Variants in BBS9 observed in about 807,000 individuals in gnomAD.
BBS9 encodes protein PTHB1.
In BBS9, 89 loss-of-function variants were observed where a neutral mutation model predicts 117.7. The observed-to-expected ratio is 0.76, with a 90% CI of 0.64 to 0.90. The LOEUF is 0.90. Among genes scored for constraint, BBS9 ranks in the 40% least tolerant of loss-of-function variants. The pLI, the probability that BBS9 is intolerant of heterozygous loss-of-function variation, is 0.00. For synonymous variants in BBS9, 379 were observed against 370.9 expected, an observed-to-expected ratio of 1.02 and a Z score of -0.25; for missense variants, 982 against 1,042.2, an observed-to-expected ratio of 0.94 and a Z score of 0.80.
chr7:33,537,020 G>GC (rs1351237046), intron 21 of BBS9, among the ~76,000 whole-genome samples: 2 of 151,710 alleles, frequency 1.3e-5, no homozygotes, highest in African/African-American at 2.4e-5. Flanking sequence ...AAGCATAAAA[G>GC]TTTTTTTTGC....
chr7:33,623,125 G>A (rs900394716), intron 21 of BBS9, among the ~76,000 whole-genome samples: 3 of 152,104 alleles, frequency 2.0e-5, no homozygotes, highest in African/African-American at 4.8e-5. Context: ...GTCATAAAGT[G>A]GAAGAAAATA....
chr7:33,539,395 T>C (rs1851927381), intron 21 of BBS9, among the ~76,000 whole-genome samples: 1 of 152,196 alleles, frequency 6.6e-6, no homozygotes, highest in Non-Finnish European at 1.5e-5. Context: ...GCACCTGCAC[T>C]CCAATCCTGC....
chr7:33,394,398 T>C (rs1479165706), intron 19 of BBS9, among the ~76,000 whole-genome samples: 1 of 151,850 alleles, frequency 6.6e-6, no homozygotes, highest in African/African-American at 2.4e-5. Flanking sequence ...TGGGGCCTAC[T>C]GGAGGGTGGA....
intron 19 of BBS9, among the ~76,000 whole-genome samples, chr7:33,405,470 G>T (rs1171622624): frequency 2.0e-5 from 3 of 152,062 alleles, no homozygotes; most frequent in Admixed American, 6.6e-5. Context: ...AATCCATCTG[G>T]TCGTGGACTC....
chr7:33,255,871 G>A (rs1404868957), intron 5 of BBS9, among the ~76,000 whole-genome samples: 1 of 152,060 alleles, frequency 6.6e-6, no homozygotes, highest in African/African-American at 2.4e-5. Context: ...AAAAAACAAA[G>A]CTTAGGCTGG....
intron 19 of BBS9, among the ~76,000 whole-genome samples, chr7:33,498,266 C>G (rs2129006112): frequency 6.6e-6 from 1 of 152,052 alleles, no homozygotes; most frequent in South Asian, 2.1e-4. Flanking sequence ...GTAAAGATGC[C>G]TTTGTGTTTA....
chr7:33,342,271 T>TAA (rs752897763), intron 11 of BBS9, among the ~76,000 whole-genome samples: 2 of 152,124 alleles, frequency 1.3e-5, no homozygotes, highest in Non-Finnish European at 2.9e-5. Context: ...GGCACTGTTT[T>TAA]AAATATTGGC....
At chr7:33,177,807 C>T (rs1200916957) in intron 5 of BBS9, 1 of 534,718 alleles carries the variant, frequency 1.9e-6, no homozygotes, top group Non-Finnish European at 3.4e-6. Context: ...AGGGTCAGGC[C>T]TGGTTAGTAC....
intron 5 of BBS9, among the ~76,000 whole-genome samples, chr7:33,232,964 A>G (rs1792767185): frequency 6.6e-6 from 1 of 152,198 alleles, no homozygotes; most frequent in South Asian, 2.1e-4. Flanking sequence ...TCAGGACTTT[A>G]TATGTTAAAC....
At chr7:33,267,328 G>A (rs1314138542) in intron 7 of BBS9, among the ~76,000 whole-genome samples, 1 of 152,082 alleles carries the variant, frequency 6.6e-6, no homozygotes, top group Non-Finnish European at 1.5e-5. Flanking sequence ...TTTATAAGAA[G>A]CATGTAGTTG....
intron 19 of BBS9, among the ~76,000 whole-genome samples, chr7:33,451,050 G>A (rs1040413972): frequency 1.3e-5 from 2 of 151,672 alleles, no homozygotes; most frequent in Non-Finnish European, 2.9e-5. Context: ...CACCATGCCC[G>A]GCTAATTTTT....
chr7:33,257,443 A>AT (rs1239861776), intron 6 of BBS9, 33 bp downstream of exon 6: 3 of 1,605,778 alleles, frequency 1.9e-6, no homozygotes, highest in East Asian at 2.2e-5. Flanking sequence ...CAGAATCATG[A>AT]TTTTTTGGTG....
At chr7:33,579,989 CT>C (rs1859605623) in intron 21 of BBS9, among the ~76,000 whole-genome samples, 1 of 152,130 alleles carries the variant, frequency 6.6e-6, no homozygotes, top group African/African-American at 2.4e-5. Context: ...TAATTATTAG[CT>C]GTTTTAAAAC....
intron 21 of BBS9, among the ~76,000 whole-genome samples, chr7:33,554,259 T>C (rs2129098322): frequency 6.6e-6 from 1 of 152,276 alleles, no homozygotes; most frequent in Middle Eastern, 3.4e-3. Context: ...ATTACAGACA[T>C]TACATAATTT....
At chr7:33,354,138 G>A (rs565375514) in intron 15 of BBS9, among the ~76,000 whole-genome samples, 1 of 152,256 alleles carries the variant, frequency 6.6e-6, no homozygotes, top group East Asian at 1.9e-4. Context: ...AATACAAAGT[G>A]AAAGCTGGTT....
At chr7:33,278,995 T>A (rs1801308297) in intron 9 of BBS9, among the ~76,000 whole-genome samples, 1 of 152,194 alleles carries the variant, frequency 6.6e-6, no homozygotes, top group South Asian at 2.1e-4. Flanking sequence ...TCATAATCTG[T>A]TAGAATTTTA....
At chr7:33,520,612 T>C (rs778985331) in intron 20 of BBS9, among the ~76,000 whole-genome samples, 1 of 152,170 alleles carries the variant, frequency 6.6e-6, no homozygotes, top group Non-Finnish European at 1.5e-5. Context: ...AAAGCCACAG[T>C]CTAGGTCTTC....
chr7:33,493,223 G>A (rs1445269196), intron 19 of BBS9, among the ~76,000 whole-genome samples: 8 of 152,270 alleles, frequency 5.3e-5, no homozygotes, highest in Admixed American at 4.6e-4. Flanking sequence ...TCAAACTCCT[G>A]ACCTCAAGTG....
chr7:33,360,042 C>A (rs1305041303), intron 16 of BBS9, among the ~76,000 whole-genome samples: 1 of 151,996 alleles, frequency 6.6e-6, no homozygotes, highest in Non-Finnish European at 1.5e-5. Context: ...TTTGAGACAT[C>A]TTTTTACACC....
Sources: gnomAD v4.1 joint callset for allele counts (sites outside exome capture counted in the v4.1 genomes callset) on GRCh38, gnomAD v4.1.1 for gene constraint, MANE v1.5 for transcripts, NCBI Gene and HGNC (gene_info 2026-07-23, HGNC 2026-07-21) for gene names.